The following MAB21L4 variants were observed in gnomAD, a reference collection of about 807,000 sequenced individuals.
MAB21L4 encodes mab-21 like 4.
Under a neutral mutation model 32.4 loss-of-function variants are expected in MAB21L4, and 25 were observed. The ratio of observed to expected loss-of-function variants is 0.77; its 90% CI spans 0.56 to 1.08. MAB21L4 has a LOEUF of 1.08. MAB21L4 is among the 50% of genes least tolerant of loss of function. The probability of loss-of-function intolerance (pLI) is 0.00; values close to 1 mark genes in which losing one functional copy is unlikely to be tolerated. For missense variants in MAB21L4, 638 were observed against 611.0 expected, an observed-to-expected ratio of 1.04 and a Z score of -0.47; for synonymous variants, 280 against 276.8, an observed-to-expected ratio of 1.01 and a Z score of -0.11.
intron 1 of MAB21L4, 60 bp from the exon 2 acceptor site, chr2:240,891,823 C>T (rs2059153046): frequency 6.2e-7 from 1 of 1,601,188 alleles, no homozygotes; most frequent in Non-Finnish European, 8.5e-7. Context: ...GGACACTCCA[C>T]AGCCCTCCTC....
At chr2:240,890,211 C>G in intron 2 of MAB21L4, 53 bp from the exon 3 acceptor site, 1 of 1,555,694 alleles carries the variant, frequency 6.4e-7, no homozygotes, top group Non-Finnish European at 8.7e-7. Context: ...TGGCCCCCAG[C>G]ATGGGGAGCT....
chr2:240,890,079 T>C lies in MAB21L4; in HGVS notation c.820A>G (p.Ile274Val). The C allele has an allele frequency of 6.2e-7, 1 of 1,613,346 alleles. No homozygotes were observed. The highest frequency in any genetic ancestry group is 8.5e-7 in the Non-Finnish European group (1 of 1,179,722). Residue 274 changes from isoleucine (I) to valine (V), a missense_variant, in exon 3 of 5, where the codon ATC becomes GTC. Ile to Val is a conservative substitution (Grantham distance 29, BLOSUM62 3). Transcript: ENST00000388934. The part of the protein sequence containing the change: ...LQGHRLDSLS[I>V]LDRVNHESWR... The stretch of plus-strand genomic sequence containing the variant: ...CTCTCGTGGTTGACCCGGTCGAGGA[T>C]GGAGAGGCTGTCCAGGCGATGACCC...
chr2:240,893,763 G>C (rs980874455), intron 1 of MAB21L4, among the ~76,000 whole-genome samples: 4 of 80,254 alleles, frequency 5.0e-5, no homozygotes. Flanking sequence ...GAGGAGCCTG[G>C]CGGCTTAGAG....
intron 4 of MAB21L4, among the ~76,000 whole-genome samples, chr2:240,887,901 G>A (rs1167592731): frequency 1.3e-5 from 2 of 152,084 alleles, no homozygotes; most frequent in Non-Finnish European, 2.9e-5. Context: ...TGAGTCCAGG[G>A]AGAAAAAAAT....
At chr2:240,890,723 G>C (rs12464586) in intron 2 of MAB21L4, among the ~76,000 whole-genome samples, 81,997 of 151,996 alleles carry the variant, frequency 0.54, 23,269 homozygotes, top group African/African-American at 0.73. Context: ...AGTGTCCCCC[G>C]CAAGCCTACA....
rs1559576539 is a variant in MAB21L4 at position 240,888,627 on chromosome 2, CAG to C, written c.914_915del (p.Ser305CysfsTer97). The C allele has an allele frequency of 6.3e-7, 1 of 1,585,204 alleles. No individual in the cohort carries two copies. The highest frequency in any genetic ancestry group is 8.6e-7 in the Non-Finnish European group (1 of 1,165,828). ...CAGTCCTCGGGCGCCAGGAAGAGCA[CAG>C]AGGCCCACAGCAGCACCATCTGCAG... Reference protein sequence around the residue: ...GHLKMVLLWASVLFLAPEDWA... With the variant: ...GHLKMVLLWAXVLFLAPEDWA... On this transcript the variant is annotated frameshift_variant, in exon 4 of 5. Transcript: ENST00000388934. LOFTEE classifies it high-confidence loss of function.
chr2:240,888,160 C>T (rs1044257264), intron 4 of MAB21L4, 132 bp downstream of exon 4: 27 of 726,490 alleles, frequency 3.7e-5, no homozygotes, highest in African/African-American at 1.1e-4. Context: ...GCTCTCCATC[C>T]GAGCCCTGAC....
At chr2:240,890,949 T>G (rs1180931865) in intron 2 of MAB21L4, among the ~76,000 whole-genome samples, 1 of 152,144 alleles carries the variant, frequency 6.6e-6, no homozygotes, top group Non-Finnish European at 1.5e-5. Flanking sequence ...AGGAGGGACA[T>G]AACCAGCTTT....
chr2:240,894,038 G>A (rs1485677927), intron 1 of MAB21L4, among the ~76,000 whole-genome samples: 3 of 151,986 alleles, frequency 2.0e-5, no homozygotes, highest in Non-Finnish European at 4.4e-5. Flanking sequence ...CAGGTCTGGG[G>A]AGGGCTTCTG....
In MAB21L4 at chr2:240,889,912, C is replaced by T; in HGVS notation, c.894+93G>A. The T allele has an allele frequency of 5.6e-6, 8 of 1,423,970 alleles. No individual in the cohort carries two copies. In the South Asian group the frequency reaches 1.2e-4, roughly 21 times the overall value. The allele number at this position is 1,423,970 out of a possible 1,614,324, so 88.2% of individuals were successfully genotyped here. On this transcript the variant is annotated intron_variant, in intron 3 of 4. Coordinates refer to ENST00000388934, the MANE Select transcript of MAB21L4 (RefSeq NM_001085437.3). ...TCCGACTTGGGACTCATAGCAGCTG[C>T]CTGCCAGTCAGGGCTGGCAGGAGGG... is the stretch of plus-strand genomic sequence containing the variant.
intron 3 of MAB21L4, 96 bp downstream of exon 3, chr2:240,889,909 C>G (rs1484111376): frequency 7.1e-7 from 1 of 1,405,420 alleles, no homozygotes; most frequent in Non-Finnish European, 9.6e-7. Flanking sequence ...CTCATAGCAG[C>G]TGCCTGCCAG....
intron 1 of MAB21L4, among the ~76,000 whole-genome samples, chr2:240,893,480 C>CCACG (rs750383465): frequency 1.5e-3 from 226 of 152,346 alleles, no homozygotes; most frequent in Non-Finnish European, 2.8e-3. Flanking sequence ...CTGCCGTGGG[C>CCACG]CACGCACGCT....
At chr2:240,893,593 G>A (rs2106440953) in intron 1 of MAB21L4, among the ~76,000 whole-genome samples, 1 of 152,364 alleles carries the variant, frequency 6.6e-6, no homozygotes, top group East Asian at 1.9e-4. Context: ...GGTGGGGGCA[G>A]CCTGACCCCT....
chr2:240,895,444 G>C, intron 1 of MAB21L4, 40 bp downstream of exon 1: 5 of 1,469,658 alleles, frequency 3.4e-6, no homozygotes, highest in Non-Finnish European at 4.6e-6. Context: ...CAGCCCCTCG[G>C]TACACGCAGA....
Position 240,895,703 on chromosome 2 carries a change from C to G in MAB21L4, c.295G>C (p.Ala99Pro). ...TCAAGGCCATCCTCCGGCTGGGTGGCCTCTGGTTCCTCAATCAGTAGAGCC... is the reference window on the plus strand; with the variant it reads ...TCAAGGCCATCCTCCGGCTGGGTGGGCTCTGGTTCCTCAATCAGTAGAGCC... ...AEALLIEEPE[A>P]TQPEDGLELC... The change falls in exon 1 of 5, where the codon GCC becomes CCC. Residue 99 changes from alanine (A) to proline (P), a missense_variant. Physicochemically the swap from Ala to Pro is conservative, Grantham distance 27. Transcript: ENST00000388934. The G allele has an allele frequency of 6.2e-7, 1 of 1,612,906 alleles. No homozygotes were observed. Among genetic ancestry groups the G allele is most frequent in the Middle Eastern group, 1.6e-4 (1 of 6,062 alleles).
At chr2:240,889,970 G>T (rs1055003001) in intron 3 of MAB21L4, 35 bp downstream of exon 3, 9 of 1,582,160 alleles carry the variant, frequency 5.7e-6, no homozygotes, top group South Asian at 1.1e-5. Flanking sequence ...CTGGGCCCTG[G>T]TGACAGACAA....
intron 1 of MAB21L4, among the ~76,000 whole-genome samples, chr2:240,894,433 C>G (rs1233279306): frequency 2.0e-5 from 3 of 152,186 alleles, no homozygotes; most frequent in Non-Finnish European, 4.4e-5. Flanking sequence ...GCCCTGTCCT[C>G]CCAGCGACCG....
chr2:240,890,643 T>G (rs1467988419), intron 2 of MAB21L4, among the ~76,000 whole-genome samples: 1 of 152,154 alleles, frequency 6.6e-6, no homozygotes, highest in African/African-American at 2.4e-5. Flanking sequence ...GCTGAGGTGG[T>G]GGAGCCTTGG....
chr2:240,895,418 A>C, intron 1 of MAB21L4, 66 bp downstream of exon 1: 1 of 1,419,418 alleles, frequency 7.0e-7, no homozygotes, highest in Middle Eastern at 2.5e-4. Flanking sequence ...ACACTTGCAC[A>C]CAGACACCCA....
Sources: allele counts gnomAD v4.1 joint callset (sites outside exome capture counted in the v4.1 genomes callset), GRCh38; gene constraint gnomAD v4.1.1; transcripts MANE v1.5; gene names NCBI Gene and HGNC (gene_info 2026-07-23, HGNC 2026-07-21).